Variants in TMEFF2 observed in about 807,000 individuals in gnomAD.
TMEFF2 encodes tomoregulin-2.
TMEFF2 carries 28 observed loss-of-function variants against 53.8 expected under a neutral mutation model. The observed-to-expected ratio is 0.52, with a 90% confidence interval of 0.39 to 0.71. The LOEUF (loss-of-function observed/expected upper bound fraction) is 0.71, where lower values mean the gene tolerates loss of function less well. Among genes scored for constraint, TMEFF2 ranks in the 30% least tolerant of loss-of-function variants. The pLI is 0.00. For missense variants in TMEFF2, 353 were observed against 455.2 expected, an observed-to-expected ratio of 0.78 and a Z score of 2.04; for synonymous variants, 162 against 166.3, an observed-to-expected ratio of 0.97 and a Z score of 0.20.
chr2:192,033,491 C>T (rs986726720), intron 5 of TMEFF2, among the ~76,000 whole-genome samples: 2 of 149,494 alleles, frequency 1.3e-5, no homozygotes, highest in East Asian at 2.0e-4. Flanking sequence ...CTTAATTAGA[C>T]TGCTTTTAGC....
At chr2:191,979,866 A>G (rs1010857812) in intron 7 of TMEFF2, among the ~76,000 whole-genome samples, 1 of 152,018 alleles carries the variant, frequency 6.6e-6, no homozygotes, top group Admixed American at 6.6e-5. Flanking sequence ...CGATCTATCT[A>G]TCTATCTATA....
chr2:191,975,668 T>C (rs999685128), intron 7 of TMEFF2, among the ~76,000 whole-genome samples: 1 of 152,174 alleles, frequency 6.6e-6, no homozygotes, highest in Non-Finnish European at 1.5e-5. Flanking sequence ...TGGCTGTGGC[T>C]AGCAGTGACA....
intron 4 of TMEFF2, among the ~76,000 whole-genome samples, chr2:192,143,179 AT>A (rs953714639): frequency 2.6e-5 from 4 of 151,606 alleles, no homozygotes; most frequent in African/African-American, 7.3e-5. Flanking sequence ...CTACTCCTGA[AT>A]TTTTTTTTAA....
At chr2:192,135,335 C>T (rs532447736) in intron 4 of TMEFF2, among the ~76,000 whole-genome samples, 2 of 152,214 alleles carry the variant, frequency 1.3e-5, no homozygotes, top group South Asian at 4.2e-4. Context: ...ACTCTCTAAT[C>T]AGATGTCCTA....
chr2:192,001,341 C>T (rs1686353199), intron 5 of TMEFF2, among the ~76,000 whole-genome samples: 1 of 151,838 alleles, frequency 6.6e-6, no homozygotes, highest in Non-Finnish European at 1.5e-5. Flanking sequence ...TAGAAATGTA[C>T]ACTATATATA....
At chr2:192,069,786 C>A (rs1311612258) in intron 4 of TMEFF2, among the ~76,000 whole-genome samples, 2 of 151,474 alleles carry the variant, frequency 1.3e-5, no homozygotes, top group Non-Finnish European at 3.0e-5. Flanking sequence ...ATTAACAATG[C>A]TCTATTTAGA....
At chr2:192,141,813 A>T (rs1574410522) in intron 4 of TMEFF2, among the ~76,000 whole-genome samples, 1 of 152,210 alleles carries the variant, frequency 6.6e-6, no homozygotes, top group East Asian at 1.9e-4. Context: ...GAAGGTGACC[A>T]AAATCGAAAC....
At chr2:192,057,599 G>T in intron 5 of TMEFF2, 80 bp downstream of exon 5, 1 of 1,191,580 alleles carries the variant, frequency 8.4e-7, no homozygotes. Flanking sequence ...AATGTCTTCT[G>T]TTGCAGAATG....
intron 4 of TMEFF2, among the ~76,000 whole-genome samples, chr2:192,164,319 G>A (rs1690702673): frequency 6.6e-6 from 1 of 152,106 alleles, no homozygotes; most frequent in Admixed American, 6.6e-5. Flanking sequence ...TGCTCCGAAT[G>A]CCCTGCCTCT....
At chr2:192,128,463 C>T (rs1340797145) in intron 4 of TMEFF2, among the ~76,000 whole-genome samples, 1 of 152,134 alleles carries the variant, frequency 6.6e-6, no homozygotes, top group African/African-American at 2.4e-5. Context: ...ACAGATCTAA[C>T]ATTTTGACAA....
At position 192,088,331 on chromosome 2, in the gene TMEFF2, T is replaced by C. The variant is rs189837800; in HGVS notation, c.440-30556A>G. ...ACTGCCTTTACTAACACTGACTATT[T>C]ACATGGACTATTAACGTTGACTATG... On this transcript the variant is annotated intron_variant, in intron 4 of 9. Coordinates refer to ENST00000272771, the MANE Select transcript of TMEFF2 (RefSeq NM_016192.4). Among the ~76,000 whole-genome samples, 8 of 152,252 alleles carry C rather than the reference T, an allele frequency of 5.3e-5. No homozygotes were observed. The South Asian group carries it at 6.2e-4, about 12-fold the overall frequency.
At chr2:192,108,378 ATCT>A (rs1254466810) in intron 4 of TMEFF2, among the ~76,000 whole-genome samples, 1 of 151,924 alleles carries the variant, frequency 6.6e-6, no homozygotes, top group African/African-American at 2.4e-5. Context: ...TTTAAATGTA[ATCT>A]TTTTTTAAAT....
chr2:192,105,064 A>T (rs774723489), intron 4 of TMEFF2, among the ~76,000 whole-genome samples: 33 of 151,962 alleles, frequency 2.2e-4, no homozygotes, highest in Admixed American at 3.9e-4. Flanking sequence ...TTGTCACATG[A>T]ATTATTACCA....
At chr2:192,164,913 T>C (rs1690722933) in intron 4 of TMEFF2, among the ~76,000 whole-genome samples, 1 of 151,902 alleles carries the variant, frequency 6.6e-6, no homozygotes, top group Non-Finnish European at 1.5e-5. Flanking sequence ...ATGCTCAGAG[T>C]ACAAATATAG....
At chr2:191,982,349 C>G (rs142892468) in intron 7 of TMEFF2, among the ~76,000 whole-genome samples, 2 of 152,108 alleles carry the variant, frequency 1.3e-5, no homozygotes, top group East Asian at 3.9e-4. Flanking sequence ...ATACCTAATA[C>G]AGGTCTTCCT....
At chr2:192,165,998 G>A (rs188675268) in intron 4 of TMEFF2, among the ~76,000 whole-genome samples, 14 of 152,234 alleles carry the variant, frequency 9.2e-5, no homozygotes, top group Admixed American at 2.6e-4. Flanking sequence ...CCCAGTCCTC[G>A]GGTGTTCACT....
intron 4 of TMEFF2, among the ~76,000 whole-genome samples, chr2:192,109,937 G>C (rs1448942380): frequency 1.3e-5 from 2 of 152,012 alleles, no homozygotes; most frequent in African/African-American, 2.4e-5. Context: ...TTGGCATATA[G>C]ATCATAAAGT....
At position 192,001,896 on chromosome 2, in the gene TMEFF2, A is replaced by G. The variant is rs537552784; in HGVS notation, c.537-2688T>C. The stretch of plus-strand genomic sequence containing the variant: ...AAAACAGACTAATACAGACAGAAAG[A>G]TAAAATTTGATTGAATTGGACTGGT... On this transcript the variant is annotated intron_variant, in intron 5 of 9. Coordinates refer to ENST00000272771, the MANE Select transcript of TMEFF2 (RefSeq NM_016192.4). Among the ~76,000 whole-genome samples, 3 of 152,336 alleles carry G rather than the reference A, an allele frequency of 2.0e-5. No individual in the cohort carries two copies. The East Asian group carries it at 5.8e-4, about 29-fold the overall frequency.
At chr2:192,190,009 T>C (rs747350935) in intron 2 of TMEFF2, among the ~76,000 whole-genome samples, 42 of 152,158 alleles carry the variant, frequency 2.8e-4, no homozygotes, top group Non-Finnish European at 4.7e-4. Context: ...TCGTTTCCAC[T>C]CCCCCATCTA....
Sources: gnomAD v4.1 joint callset for allele counts (sites outside exome capture counted in the v4.1 genomes callset) on GRCh38, gnomAD v4.1.1 for gene constraint, MANE v1.5 for transcripts, NCBI Gene and HGNC (gene_info 2026-07-23, HGNC 2026-07-21) for gene names.